The following SFI1 variants were observed in gnomAD, a reference collection of about 807,000 sequenced individuals.
SFI1 encodes SFI1 centrin binding protein, also known as protein SFI1 homolog.
SFI1 carries 195 observed loss-of-function variants against 207.5 expected under a neutral mutation model. The ratio of observed to expected loss-of-function variants is 0.94; its 90% confidence interval spans 0.84 to 1.06. The LOEUF (loss-of-function observed/expected upper bound fraction) is 1.06, where lower values mean the gene tolerates loss of function less well. Among genes scored for constraint, SFI1 ranks in the 50% least tolerant of loss-of-function variants. The pLI, the probability that SFI1 is intolerant of heterozygous loss-of-function variation, is 0.00. For synonymous variants in SFI1, 630 were observed against 598.9 expected, an observed-to-expected ratio of 1.05 and a Z score of -0.76; for missense variants, 1,634 against 1,588.0, an observed-to-expected ratio of 1.03 and a Z score of -0.49.
intron 2 of SFI1, among the ~76,000 whole-genome samples, chr22:31,522,064 CTTT>C (rs752422385): frequency 2.6e-5 from 2 of 76,380 alleles, no homozygotes; most frequent in Non-Finnish European, 2.4e-5. Context: ...TACACCTGGC[CTTT>C]TTTTTTTTTT....
At chr22:31,611,401 A>C (rs1274881571) in intron 23 of SFI1, 98 bp downstream of exon 23, 2 of 1,385,652 alleles carry the variant, frequency 1.4e-6, no homozygotes, top group Non-Finnish European at 1.9e-6. Context: ...TCCTGACAGC[A>C]CTCCATGCAG....
chr22:31,579,597 G>C (rs933164577), intron 11 of SFI1, among the ~76,000 whole-genome samples: 1 of 152,132 alleles, frequency 6.6e-6, no homozygotes, highest in African/African-American at 2.4e-5. Context: ...TTACAGGCGT[G>C]AGCCACCACG....
intron 1 of SFI1, among the ~76,000 whole-genome samples, chr22:31,501,321 G>A (rs1292867647): frequency 1.3e-5 from 2 of 151,466 alleles, no homozygotes; most frequent in Non-Finnish European, 2.9e-5. Context: ...ACAGGCGCCC[G>A]CCACCACGCC....
At chr22:31,612,116 C>T (rs1486122463) in intron 24 of SFI1, 39 of 1,084,212 alleles carry the variant, frequency 3.6e-5, no homozygotes, top group African/African-American at 6.8e-5. Context: ...CAGTGGCTCA[C>T]GCCTGTAATC....
At chr22:31,574,855 G>A (rs1478126002) in intron 9 of SFI1, among the ~76,000 whole-genome samples, 1 of 152,038 alleles carries the variant, frequency 6.6e-6, no homozygotes, top group Non-Finnish European at 1.5e-5. Context: ...TCAGGAGTTC[G>A]AGACCAGCTT....
chr22:31,599,883 T>TTA (rs2067831895), intron 15 of SFI1, among the ~76,000 whole-genome samples: 1 of 147,088 alleles, frequency 6.8e-6, no homozygotes, highest in Non-Finnish European at 1.5e-5. Context: ...TGTTGTTATT[T>TTA]TTTTTTTTTT....
At chr22:31,509,436 C>G (rs2055162768) in intron 2 of SFI1, among the ~76,000 whole-genome samples, 1 of 152,176 alleles carries the variant, frequency 6.6e-6, no homozygotes, top group Non-Finnish European at 1.5e-5. Context: ...ATCCAACAGC[C>G]AAAGAACTTG....
intron 2 of SFI1, among the ~76,000 whole-genome samples, chr22:31,515,394 G>T (rs1337931793): frequency 6.6e-6 from 1 of 150,952 alleles, no homozygotes; most frequent in Non-Finnish European, 1.5e-5. Flanking sequence ...TTTTACCCAG[G>T]CTGGAGTACA....
chr22:31,498,597 G>GCCAAGACT (rs1385514473), intron 1 of SFI1, among the ~76,000 whole-genome samples: 3 of 150,796 alleles, frequency 2.0e-5, no homozygotes, highest in Non-Finnish European at 4.4e-5. Context: ...GTTGCAGTGA[G>GCCAAGACT]CCAAGACTGC....
chr22:31,577,734 AAAAAG>A (rs2063678804), intron 10 of SFI1, among the ~76,000 whole-genome samples: 2 of 152,148 alleles, frequency 1.3e-5, no homozygotes, highest in South Asian at 4.1e-4. Context: ...CAGTCTCTTA[AAAAAG>A]AAAAGAAGTG....
intron 8 of SFI1, among the ~76,000 whole-genome samples, chr22:31,568,218 ATATATATAT>A (rs1569334318): frequency 1.2e-4 from 15 of 129,358 alleles, no homozygotes; most frequent in South Asian, 2.3e-4. Context: ...GTGTATATAT[ATATATATAT>A]TTTTTTTTTT....
At chr22:31,511,851 C>A (rs1041018624) in intron 2 of SFI1, among the ~76,000 whole-genome samples, 2 of 151,990 alleles carry the variant, frequency 1.3e-5, no homozygotes, top group East Asian at 3.9e-4. Flanking sequence ...GGAGCTTCGC[C>A]ATGTTGGTCT....
intron 15 of SFI1, among the ~76,000 whole-genome samples, chr22:31,590,754 G>C (rs2065749211): frequency 6.6e-6 from 1 of 150,658 alleles, no homozygotes; most frequent in Non-Finnish European, 1.5e-5. Context: ...CCACCTGCCT[G>C]GGCCTCCCAA....
intron 1 of SFI1, among the ~76,000 whole-genome samples, chr22:31,499,510 A>G (rs2053352991): frequency 6.6e-6 from 1 of 152,182 alleles, no homozygotes; most frequent in African/African-American, 2.4e-5. Context: ...CCTGGTGAAG[A>G]TGCTGTGAAC....
At chr22:31,595,155 C>G (rs1694382635) in intron 15 of SFI1, among the ~76,000 whole-genome samples, 1 of 152,068 alleles carries the variant, frequency 6.6e-6, no homozygotes, top group African/African-American at 2.4e-5. Context: ...CGCCACCACG[C>G]CCGGCTAATT....
intron 21 of SFI1, chr22:31,606,667 TA>T (rs1157297845): frequency 7.7e-6 from 3 of 391,918 alleles, no homozygotes; most frequent in Non-Finnish European, 1.4e-5. Context: ...AACTAGTTCT[TA>T]TCAGAACCAG....
intron 8 of SFI1, chr22:31,572,795 A>G (rs904598563): frequency 2.5e-5 from 7 of 284,898 alleles, no homozygotes; most frequent in Non-Finnish European, 4.7e-5. Context: ...GAGCCACTGC[A>G]CCAGCCATCT....
chr22:31,510,451 G>C (rs914407132), intron 2 of SFI1, among the ~76,000 whole-genome samples: 2 of 151,766 alleles, frequency 1.3e-5, no homozygotes, highest in East Asian at 3.9e-4. Flanking sequence ...TTTGTTTTTT[G>C]AGATGGAGTC....
intron 2 of SFI1, among the ~76,000 whole-genome samples, chr22:31,526,948 G>C (rs1366853670): frequency 6.6e-6 from 1 of 152,060 alleles, no homozygotes; most frequent in Non-Finnish European, 1.5e-5. Context: ...GCCCAGGCTG[G>C]ATGGAGTGCA....
Sources: gnomAD v4.1 joint callset for allele counts (sites outside exome capture counted in the v4.1 genomes callset) on GRCh38, gnomAD v4.1.1 for gene constraint, MANE v1.5 for transcripts, NCBI Gene and HGNC (gene_info 2026-07-23, HGNC 2026-07-21) for gene names.